The following PIH1D2 variants were observed in gnomAD, a reference collection of about 807,000 sequenced individuals.
PIH1D2 encodes the protein PIH1 domain containing 2, also known as PIH1 domain-containing protein 2.
Under a neutral mutation model 31.2 loss-of-function variants are expected in PIH1D2, and 25 were observed. The ratio of observed to expected loss-of-function variants is 0.80; its 90% CI spans 0.58 to 1.12. The LOEUF (loss-of-function observed/expected upper bound fraction) is 1.12. PIH1D2 is among the 50% of genes most tolerant of loss of function. PIH1D2 has a pLI of 0.00. For synonymous variants in PIH1D2, 116 were observed against 119.9 expected (o/e 0.97, Z 0.21); for missense variants, 310 against 356.6 (o/e 0.87, Z 1.05).
At chr11:112,058,642 CTT>C (rs587655131), downstream of PIH1D2, among the ~76,000 whole-genome samples, 1 of 139,546 alleles carries the variant, frequency 7.2e-6, no homozygotes, top group African/African-American at 2.7e-5. Flanking sequence ...GGGGAATCAC[CTT>C]TTTTTTTTTC....
At chr11:112,060,713 G>A (rs1864547218), downstream of PIH1D2, among the ~76,000 whole-genome samples, 1 of 152,046 alleles carries the variant, frequency 6.6e-6, no homozygotes, top group South Asian at 2.1e-4. Context: ...TGATCCACCC[G>A]CCTCACCCTC....
chr11:112,065,278 T>C (rs587737092), downstream of PIH1D2, among the ~76,000 whole-genome samples: 1 of 152,346 alleles, frequency 6.6e-6, no homozygotes, highest in African/African-American at 2.4e-5. Context: ...TTTTTATTAA[T>C]ACAAAATGAG....
chr11:112,070,216 T>C lies in PIH1D2; in HGVS notation c.813+220A>G, dbSNP rs1865065351. Reference sequence around the variant, plus strand: ...GTAGAAGTGATATCATGAAGTGTCATGTCTGAGTAGAAGTATTACGATCCA... The same window carrying C: ...GTAGAAGTGATATCATGAAGTGTCACGTCTGAGTAGAAGTATTACGATCCA... On this transcript the variant is annotated intron_variant, in intron 5 of 5. Transcript: ENST00000280350. The C allele has an allele frequency of 4.8e-6, 3 of 622,348 alleles. No homozygotes were observed. In the East Asian group the frequency reaches 8.2e-5, roughly 17 times the overall value. 38.6% of individuals were successfully genotyped at this position (622,348 alleles called of 1,614,324 possible). A position where few individuals can be genotyped will look rare whatever the true frequency, so the allele number is the denominator to read the frequency against.
At chr11:112,071,863 C>T (rs1459270818) in intron 2 of PIH1D2, 105 bp from the exon 3 acceptor site, 23 of 1,231,992 alleles carry the variant, frequency 1.9e-5, no homozygotes, top group African/African-American at 4.5e-5. Flanking sequence ...GGGTCCAAGG[C>T]GGCCGGATCA....
downstream of PIH1D2, chr11:112,061,142 G>T (rs1555183226): frequency 6.2e-7 from 1 of 1,614,102 alleles, no homozygotes; most frequent in Admixed American, 1.7e-5. Context: ...GTGCTTCAGA[G>T]GATAAACTGG....
chr11:112,064,850 T>TC (rs1171032928), downstream of PIH1D2, among the ~76,000 whole-genome samples: 4 of 150,892 alleles, frequency 2.7e-5, no homozygotes, highest in African/African-American at 9.7e-5. Context: ...AAATTTTTTT[T>TC]TTTTTTTTTT....
At chr11:112,057,660 C>T in the PIH1D2 span, among the ~76,000 whole-genome samples, 82 of 152,208 alleles carry the variant, frequency 5.4e-4, no homozygotes, top group African/African-American at 1.8e-3. Context: ...GTGAGGAAGC[C>T]GCGTAACAGA....
Position 112,072,982 on chromosome 11 carries a change from C to T in PIH1D2, c.177+16G>A. On this transcript the variant is annotated intron_variant, in intron 2 of 5. Coordinates refer to ENST00000280350, the MANE Select transcript of PIH1D2 (RefSeq NM_138789.4). ...TCATTCAAGACCTCCCCATCCCTGG[C>T]ACCAACTCGACATACCAGAATCCTG... The T allele has an allele frequency of 6.3e-7, 1 of 1,578,508 alleles. No individual in the cohort carries two copies. Among genetic ancestry groups the T allele is most frequent in the Non-Finnish European group, 8.6e-7 (1 of 1,157,028 alleles).
downstream of PIH1D2, among the ~76,000 whole-genome samples, chr11:112,058,692 A>G (rs1864303980): frequency 1.3e-5 from 2 of 151,368 alleles, no homozygotes; most frequent in Admixed American, 1.3e-4. Context: ...ATAAATGTAG[A>G]GAACAGATCA....
At chr11:112,070,959 T>C (rs1865090091) in intron 4 of PIH1D2, 79 bp downstream of exon 4, 5 of 1,457,402 alleles carry the variant, frequency 3.4e-6, no homozygotes, top group Non-Finnish European at 4.6e-6. Flanking sequence ...AAAATAGAGA[T>C]TTCTAGTTTG....
At chr11:112,068,652 C>T (rs1481952358) in intron 5 of PIH1D2, among the ~76,000 whole-genome samples, 2 of 152,010 alleles carry the variant, frequency 1.3e-5, no homozygotes, top group African/African-American at 4.8e-5. Flanking sequence ...GGCTTGGTGG[C>T]ACATGCCTGT....
chr11:112,072,885 AAAAC>A lies in PIH1D2; in HGVS notation c.177+109_177+112del, dbSNP rs1341999102. On this transcript the variant is annotated intron_variant, in intron 2 of 5. Transcript: ENST00000280350. ...CTCAAAAAACAAAACAAAACAAAAC[AAAAC>A]AAAAAAAAAACAAAAAAAATTAGCA... The A allele has an allele frequency of 7.8e-5, 76 of 980,108 alleles. No homozygotes were observed. In the East Asian group the frequency reaches 1.1e-3, roughly 14 times the overall value. The allele number at this position is 980,108 out of a possible 1,614,324, so 60.7% of individuals were successfully genotyped here.
At chr11:112,073,346 C>A in intron 1 of PIH1D2, 141 bp from the exon 2 acceptor site, 1 of 522,670 alleles carries the variant, frequency 1.9e-6, no homozygotes. Context: ...GGATCAGCAC[C>A]ACTTTATGTT....
rs1555184039 is a variant in PIH1D2, at chr11:112,067,871, T to C, written c.948A>G (p.Ter316TrpextTer24). 1 of 1,612,024 alleles carries C rather than the reference T, an allele frequency of 6.2e-7. No homozygotes were observed. Among genetic ancestry groups the C allele is most frequent in the East Asian group, 2.2e-5 (1 of 44,730 alleles). ...ACCCAAAACATATGATGCTCTTCTT[T>C]CACACCAAAGGCATTGTGATGATTA... The part of the protein sequence containing the change: ...STLIITMPLV[*>W] The change falls in exon 6 of 6, where the codon TGA becomes TGG. Residue 316 changes from the stop codon to tryptophan (W), a stop_lost. Coordinates refer to ENST00000280350, the MANE Select transcript of PIH1D2 (RefSeq NM_138789.4).
At chr11:112,068,636 T>C (rs912910123) in intron 5 of PIH1D2, among the ~76,000 whole-genome samples, 3 of 151,806 alleles carry the variant, frequency 2.0e-5, no homozygotes, top group African/African-American at 7.3e-5. Flanking sequence ...ATACAAAAAT[T>C]AGCCAGGCTT....
rs1555185084 is a variant in PIH1D2 at position 112,073,185 on chromosome 11, T to C, written c.-11A>G. 3.2e-6 allele frequency: 5 copies of C among 1,566,146 alleles called. No individual in the cohort carries two copies. In the South Asian group the frequency reaches 5.8e-5, roughly 18 times the overall value. Reference sequence around the variant, plus strand: ...TGAGGATGTCTCCATGACTTATGAGTGGTGAATAATTTTCTTAAGCCTGTG... The same window carrying C: ...TGAGGATGTCTCCATGACTTATGAGCGGTGAATAATTTTCTTAAGCCTGTG... On this transcript the variant is annotated 5_prime_UTR_variant, in exon 2 of 6. Transcript: ENST00000280350.
intron 4 of PIH1D2, 122 bp from the exon 5 acceptor site, chr11:112,070,823 G>A (rs1865087286): frequency 3.1e-6 from 4 of 1,274,472 alleles, no homozygotes; most frequent in African/African-American, 1.5e-5. Context: ...ATTAGTTTGG[G>A]AATCAAGCCA....
downstream of PIH1D2, among the ~76,000 whole-genome samples, chr11:112,061,750 A>G (rs1177885548): frequency 6.6e-6 from 1 of 152,024 alleles, no homozygotes; most frequent in African/African-American, 2.4e-5. Flanking sequence ...ACACTTGGCT[A>G]ATTTTTGTAT....
chr11:112,065,995 CAAA>C (rs880003662), downstream of PIH1D2, among the ~76,000 whole-genome samples: 1 of 136,216 alleles, frequency 7.3e-6, no homozygotes. Context: ...GAGACTCTGT[CAAA>C]AAAAAAAAAA....
Sources: allele counts gnomAD v4.1 joint callset (sites outside exome capture counted in the v4.1 genomes callset), GRCh38; gene constraint gnomAD v4.1.1; transcripts MANE v1.5; gene names NCBI Gene and HGNC (gene_info 2026-07-23, HGNC 2026-07-21).